NOX5: variants seen among roughly 807,000 people sequenced by gnomAD.
NOX5 encodes NADPH oxidase, EF-hand calcium binding domain 5.
NOX5 carries 76 observed loss-of-function variants against 85.7 expected under a neutral mutation model. That is an observed-to-expected ratio of 0.89 (90% CI 0.74 to 1.07). The LOEUF is 1.07. Ranked by LOEUF, NOX5 falls within the 50% of genes least tolerant of loss-of-function variation. The probability of loss-of-function intolerance (pLI) is 0.00; values close to 1 mark genes in which losing one functional copy is unlikely to be tolerated. For synonymous variants in NOX5, 405 were observed against 401.4 expected, an observed-to-expected ratio of 1.01 and a Z score of -0.11; for missense variants, 973 against 999.5, an observed-to-expected ratio of 0.97 and a Z score of 0.36.
intron 1 of NOX5, among the ~76,000 whole-genome samples, chr15:69,024,589 T>C (rs1245969932): frequency 6.6e-6 from 1 of 152,228 alleles, no homozygotes; most frequent in East Asian, 1.9e-4. Context: ...CCACATTTAC[T>C]TAACTTGTAT....
chr15:69,015,856 G>A (rs541434515), intron 1 of NOX5, among the ~76,000 whole-genome samples: 50 of 149,358 alleles, frequency 3.3e-4, no homozygotes, highest in African/African-American at 1.0e-3. Context: ...GGCACTCGAA[G>A]CTTGGAGTCT....
intron 7 of NOX5, 89 bp from the exon 8 acceptor site, chr15:69,036,939 C>T: frequency 1.9e-6 from 2 of 1,056,708 alleles, no homozygotes; most frequent in Non-Finnish European, 2.9e-6. Context: ...GAGCACTGCC[C>T]TGGCTTTGAG....
intron 11 of NOX5, 128 bp downstream of exon 11, chr15:69,046,994 C>T (rs1470377061): frequency 3.2e-6 from 3 of 927,022 alleles, no homozygotes; most frequent in Non-Finnish European, 5.0e-6. Context: ...CATGGGCTGA[C>T]ATCCAGGTAT....
Position 69,048,004 on chromosome 15 carries a change from G to A in NOX5, c.1899+93G>A, listed in dbSNP as rs776521509. On this transcript the variant is annotated intron_variant, in intron 13 of 15. Coordinates refer to ENST00000388866, the MANE Select transcript of NOX5 (RefSeq NM_024505.4). ...CATCCTCCTGTGCAAAGGTGGGAGC[G>A]GATAGGTGATCCCTAATGGGATCTT... 2.4e-5 allele frequency: 26 copies of A among 1,090,684 alleles called. No individual in the cohort carries two copies. The Middle Eastern group carries it at 6.0e-4, about 25-fold the overall frequency. 67.6% of individuals were successfully genotyped at this position (1,090,684 alleles called of 1,614,324 possible).
chr15:69,021,888 G>T (rs188454777), intron 1 of NOX5, among the ~76,000 whole-genome samples: 260 of 152,300 alleles, frequency 1.7e-3, no homozygotes, highest in African/African-American at 6.0e-3. Context: ...TAAATGATGT[G>T]CCATAATCTG....
intron 1 of NOX5, among the ~76,000 whole-genome samples, chr15:69,015,891 T>G (rs761457698): frequency 4.4e-4 from 49 of 110,968 alleles, no homozygotes; most frequent in Non-Finnish European, 7.4e-4. Context: ...CGCCCATCAG[T>G]GAAGGTCGAA....
At chr15:69,033,997 A>G (rs1264949751) in intron 5 of NOX5, among the ~76,000 whole-genome samples, 1 of 152,004 alleles carries the variant, frequency 6.6e-6, no homozygotes, top group Non-Finnish European at 1.5e-5. Flanking sequence ...CCTGACCTCT[A>G]AGAGTTTTTG....
chr15:69,023,020 A>T (rs2050313341), intron 1 of NOX5: 1 of 489,742 alleles, frequency 2.0e-6, no homozygotes, highest in Non-Finnish European at 4.1e-6. Context: ...GGAATGTTCC[A>T]TGGGCCTGCT....
chr15:69,047,825 C>A lies in NOX5; in HGVS notation c.1818-5C>A. 2 of 1,614,094 alleles carry A rather than the reference C, an allele frequency of 1.2e-6. No homozygotes were observed. The highest frequency in any genetic ancestry group is 1.7e-6 in the Non-Finnish European group (2 of 1,179,980). ...TTACAACCCCTTCCTCCTGCCTCCC[C>A]TCAGGCACCAGAAAAGAAAGCATAC... On this transcript the variant is annotated splice_region_variant and splice_polypyrimidine_tract_variant and intron_variant, in intron 12 of 15. Transcript: ENST00000388866.
At chr15:69,049,385 C>A (rs1203349570) in intron 14 of NOX5, among the ~76,000 whole-genome samples, 2 of 151,590 alleles carry the variant, frequency 1.3e-5, no homozygotes, top group Non-Finnish European at 2.9e-5. Flanking sequence ...GAGATGAAAT[C>A]TCCTTATATT....
chr15:69,031,806 CCAT>C lies in NOX5; in HGVS notation c.617_619del (p.Ile206del), dbSNP rs1567097306. On this transcript the variant is annotated inframe_deletion, in exon 4 of 16. Coordinates refer to ENST00000388866, the MANE Select transcript of NOX5 (RefSeq NM_024505.4). ...TTCCCCGGAGTCATGGAGAACCTGA[CCAT>C]CAGGTACGGCCGGGTCTCGGGCATT... is the stretch of plus-strand genomic sequence containing the variant. 1.9e-6 allele frequency: 3 copies of C among 1,595,428 alleles called. No homozygotes were observed. Among genetic ancestry groups the C allele is most frequent in the Non-Finnish European group, 2.6e-6 (3 of 1,166,310 alleles).
intron 1 of NOX5, among the ~76,000 whole-genome samples, chr15:69,016,311 C>G (rs878915608): frequency 6.6e-6 from 1 of 152,230 alleles, no homozygotes; most frequent in African/African-American, 2.4e-5. Context: ...ATCTCACCCC[C>G]CTCCTCCACA....
intron 2 of NOX5, 74 bp downstream of exon 2, chr15:69,026,725 G>C (rs2050363171): frequency 6.3e-7 from 1 of 1,596,756 alleles, no homozygotes; most frequent in African/African-American, 1.3e-5. Context: ...AGCCCTTACA[G>C]GGAGGGAAAG....
chr15:69,033,540 T>A (rs74020583), intron 5 of NOX5, among the ~76,000 whole-genome samples: 2,915 of 152,192 alleles, frequency 0.019, 100 homozygotes, highest in African/African-American at 0.067. Context: ...CACGCTCCAT[T>A]TGATCTTCAC....
At chr15:69,039,102 T>G in intron 9 of NOX5, 113 bp downstream of exon 9, 1 of 1,251,184 alleles carries the variant, frequency 8.0e-7, no homozygotes, top group Non-Finnish European at 1.1e-6. Flanking sequence ...AAACACAAAG[T>G]CAGCCTCAAA....
At position 69,056,774 on chromosome 15, in the gene NOX5, A is replaced by G; in HGVS notation, c.*78A>G. The G allele has an allele frequency of 1.3e-6, 2 of 1,551,492 alleles. No individual in the cohort carries two copies. The highest frequency in any genetic ancestry group is 1.2e-5 in the South Asian group (1 of 80,462). On this transcript the variant is annotated 3_prime_UTR_variant, in exon 16 of 16. Coordinates refer to ENST00000388866, the MANE Select transcript of NOX5 (RefSeq NM_024505.4). ...CATTAGTATAAATGCCCCCACAGGG[A>G]CCAGCCTCAGATGACCCACCCAATA... is the stretch of plus-strand genomic sequence containing the variant.
intron 5 of NOX5, among the ~76,000 whole-genome samples, chr15:69,035,019 G>A (rs1449257768): frequency 5.3e-5 from 8 of 152,144 alleles, no homozygotes; most frequent in African/African-American, 1.9e-4. Context: ...TACTGTCTCA[G>A]CCTTCCAAAG....
chr15:69,016,181 T>C (rs968719543), intron 1 of NOX5, among the ~76,000 whole-genome samples: 19 of 152,106 alleles, frequency 1.2e-4, no homozygotes, highest in Non-Finnish European at 2.8e-4. Flanking sequence ...GCTGGCACAC[T>C]GGAGGGCCTG....
chr15:69,036,415 C>T (rs994342726), intron 7 of NOX5, among the ~76,000 whole-genome samples: 1 of 152,212 alleles, frequency 6.6e-6, no homozygotes, highest in African/African-American at 2.4e-5. Flanking sequence ...TCCATCTTTG[C>T]TTCTGTCTCT....
Sources: gnomAD v4.1 joint callset for allele counts (sites outside exome capture counted in the v4.1 genomes callset) on GRCh38, gnomAD v4.1.1 for gene constraint, MANE v1.5 for transcripts, NCBI Gene and HGNC (gene_info 2026-07-23, HGNC 2026-07-21) for gene names.